RGL3: variants seen among roughly 807,000 people sequenced by gnomAD.
RGL3 encodes ral guanine nucleotide dissociation stimulator like 3, also known as ral guanine nucleotide dissociation stimulator-like 3.
In RGL3, 85 loss-of-function variants were observed where a neutral mutation model predicts 90.6. That is an observed-to-expected ratio of 0.94 (90% CI 0.79 to 1.12). The LOEUF is 1.12. Among genes scored for constraint, RGL3 ranks in the 50% most tolerant of loss-of-function variants. The pLI, the probability that RGL3 is intolerant of heterozygous loss-of-function variation, is 0.00. For missense variants in RGL3, 1,034 were observed against 939.2 expected (o/e 1.10, Z -1.32); for synonymous variants, 408 against 385.5 (o/e 1.06, Z -0.68).
chr19:11,405,801 T>C (rs2144727190), intron 7 of RGL3, among the ~76,000 whole-genome samples: 1 of 151,670 alleles, frequency 6.6e-6, no homozygotes, highest in Middle Eastern at 3.4e-3. Flanking sequence ...GTTCAAGTGA[T>C]TATCCTGCCT....
intron 5 of RGL3, among the ~76,000 whole-genome samples, chr19:11,407,134 T>G (rs1364048143): frequency 6.6e-6 from 1 of 151,914 alleles, no homozygotes; most frequent in Non-Finnish European, 1.5e-5. Context: ...TACAGGCATG[T>G]GCCACCATGC....
Position 11,406,541 on chromosome 19 carries a change from G to T in RGL3, c.874C>A (p.Arg292Ser), listed in dbSNP as rs1305970804. 1.3e-6 allele frequency: 2 copies of T among 1,549,826 alleles called. No individual in the cohort carries two copies. The highest frequency in any genetic ancestry group is 1.7e-6 in the Non-Finnish European group (2 of 1,147,902). ...PGAAGASPTVRATVAQFNTVT... is the reference protein window; with the variant it reads ...PGAAGASPTVSATVAQFNTVT... ...GTGTTGAACTGGGCCACGGTGGCGC[G>T]CACAGTGGGGGAGGCGCCTGCAGCC... is the stretch of plus-strand genomic sequence containing the variant. Residue 292 changes from arginine to serine, a missense_variant, in exon 7 of 19, where the codon CGC becomes AGC. Coordinates refer to ENST00000380456, the MANE Select transcript of RGL3 (RefSeq NM_001035223.4).
chr19:11,404,095 T>A (rs1056333904), intron 9 of RGL3, among the ~76,000 whole-genome samples: 1 of 151,392 alleles, frequency 6.6e-6, no homozygotes, highest in African/African-American at 2.4e-5. Flanking sequence ...GTTGCCCAGG[T>A]TGGTCTTGAA....
At chr19:11,415,876 G>T (rs1968983895) in intron 5 of RGL3, 61 bp downstream of exon 5, 1 of 1,415,686 alleles carries the variant, frequency 7.1e-7, no homozygotes, top group Non-Finnish European at 9.6e-7. Context: ...GAAAGCCTGT[G>T]TGGGAAGAAG....
rs563166368 is a variant in RGL3, at chr19:11,397,814, G to T, written c.1747-217C>A. ...ACTTGAGGTCGGGAGTTCAAGACCAGCCTGGCCAACGTGGTGAAACTCCGT... is the reference window on the plus strand; with the variant it reads ...ACTTGAGGTCGGGAGTTCAAGACCATCCTGGCCAACGTGGTGAAACTCCGT... On this transcript the variant is annotated intron_variant, in intron 16 of 18. Coordinates refer to ENST00000380456, the MANE Select transcript of RGL3 (RefSeq NM_001035223.4). 8.7e-5 allele frequency: 33 copies of T among 379,844 alleles called. No homozygotes were observed. The East Asian group carries it at 1.4e-3, about 16-fold the overall frequency. The allele number at this position is 379,844 out of a possible 1,614,324, so 23.5% of individuals were successfully genotyped here.
At position 11,418,752 on chromosome 19, in the gene RGL3, C is replaced by T; in HGVS notation, c.66G>A (p.Glu22=). The T allele has an allele frequency of 1.9e-6, 3 of 1,572,856 alleles. No individual in the cohort carries two copies. The highest frequency in any genetic ancestry group is 2.6e-6 in the Non-Finnish European group (3 of 1,163,216). Residue 22 remains glutamate (E), a synonymous_variant, in exon 2 of 19, where the codon GAG becomes GAA. Transcript: ENST00000380456. ...GGGAGACACTGTACACCGCGCCGTC[C>T]TCGGTCTCTTCACCCCAGTCCTGCA... ...APLQDWGEET[E]DGAVYSVSLR... is the part of the protein sequence containing the mutation.
In RGL3 at chr19:11,402,469, G is replaced by C; in HGVS notation, c.1315C>G (p.Pro439Ala). The C allele has an allele frequency of 6.2e-7, 1 of 1,602,712 alleles. No homozygotes were observed. The highest frequency in any genetic ancestry group is 1.3e-5 in the African/African-American group (1 of 74,342). ...AGGGGTCAGACCTCCAACATATCCG[G>C]CAGGGCTGTGTCCAGCATAACCAGG... ...TDLVMLDTAL[P>A]DMLEGDLINF... is the part of the protein sequence containing the mutation. The change falls in exon 11 of 19, where the codon CCG (proline) becomes GCG (alanine). Residue 439 changes from proline to alanine, a missense_variant. Transcript: ENST00000380456.
At chr19:11,395,654 A>C (rs1175671589) in intron 18 of RGL3, among the ~76,000 whole-genome samples, 4 of 151,946 alleles carry the variant, frequency 2.6e-5, no homozygotes, top group African/African-American at 9.7e-5. Context: ...TTTGAGACGG[A>C]GTCTCACTCT....
chr19:11,402,600 A>G lies in RGL3; in HGVS notation c.1242+50T>C, dbSNP rs547937908. On this transcript the variant is annotated intron_variant, in intron 10 of 18. Coordinates refer to ENST00000380456, the MANE Select transcript of RGL3 (RefSeq NM_001035223.4). ...ATTACTGACCCCATCACCATCCACA[A>G]CCCTCCCTGAAGGTCCCACTTGTCC... 6.2e-6 allele frequency: 10 copies of G among 1,612,180 alleles called. No homozygotes were observed. The South Asian group carries it at 9.9e-5, about 16-fold the overall frequency.
chr19:11,398,026 T>TAATAA (rs1189202486), intron 16 of RGL3, among the ~76,000 whole-genome samples: 2 of 151,456 alleles, frequency 1.3e-5, no homozygotes, highest in African/African-American at 4.9e-5. Context: ...AATAAATAAA[T>TAATAA]AATAAAATAA....
Position 11,402,668 on chromosome 19 carries a change from G to A in RGL3, c.1224C>T (p.Thr408=), listed in dbSNP as rs1424253596. The change falls in exon 10 of 19, where the codon ACC becomes ACT. Residue 408 remains threonine (T), a synonymous_variant. Transcript: ENST00000380456. ...ATEGSQEEDN[T]PGSLPSKPPP... The stretch of plus-strand genomic sequence containing the variant: ...CACTCACTGAGGGCAGGCTGCCTGG[G>A]GTGTTGTCCTCTTCTTGGGATCCCT... The A allele has an allele frequency of 6.2e-7, 1 of 1,613,804 alleles. No individual in the cohort carries two copies. The highest frequency in any genetic ancestry group is 1.7e-5 in the Admixed American group (1 of 59,944).
intron 18 of RGL3, among the ~76,000 whole-genome samples, chr19:11,395,918 T>G (rs2144713041): frequency 6.8e-6 from 1 of 146,190 alleles, no homozygotes; most frequent in East Asian, 2.1e-4. Context: ...TGAGCCACCA[T>G]GCCCGGCCCC....
At chr19:11,412,496 G>A (rs1856733103) in intron 5 of RGL3, among the ~76,000 whole-genome samples, 2 of 152,056 alleles carry the variant, frequency 1.3e-5, no homozygotes, top group South Asian at 4.1e-4. Flanking sequence ...ATAGCAAAAA[G>A]TGAACCCAAA....
rs567614336 is a variant in RGL3, at chr19:11,405,054, C to T, written c.1185+93G>A. On this transcript the variant is annotated intron_variant, in intron 9 of 18. Coordinates refer to ENST00000380456, the MANE Select transcript of RGL3 (RefSeq NM_001035223.4). ...GAGCGGTAGGGAAGGACAGAGTGTC[C>T]TGACTATAGCAGGGAGATTACCCCT... The T allele has an allele frequency of 6.9e-6, 7 of 1,021,550 alleles. No individual in the cohort carries two copies. The East Asian group carries it at 1.7e-4, about 24-fold the overall frequency. 63.3% of individuals were successfully genotyped at this position (1,021,550 alleles called of 1,614,324 possible).
chr19:11,401,194 G>A (rs907728674), intron 13 of RGL3, among the ~76,000 whole-genome samples: 1 of 151,254 alleles, frequency 6.6e-6, no homozygotes, highest in African/African-American at 2.4e-5. Flanking sequence ...ATCAGATGGG[G>A]TTGAAATTGA....
chr19:11,412,878 A>C (rs1968897031), intron 5 of RGL3, among the ~76,000 whole-genome samples: 1 of 152,112 alleles, frequency 6.6e-6, no homozygotes. Flanking sequence ...AGGCAGGAGA[A>C]TCACTTGAAC....
chr19:11,402,326 G>C lies in RGL3; in HGVS notation c.1330-79C>G, dbSNP rs973396380. 1.9e-6 allele frequency: 3 copies of C among 1,598,150 alleles called. No homozygotes were observed. In the East Asian group the frequency reaches 6.7e-5, roughly 36 times the overall value. ...AAGGTCAGGGGCTGGGATGTCAGGA[G>C]CCCCACTGTAGTAAGGGAGTGTGGG... On this transcript the variant is annotated intron_variant, in intron 11 of 18. Coordinates refer to ENST00000380456, the MANE Select transcript of RGL3 (RefSeq NM_001035223.4).
rs533535503 is a variant in RGL3 at position 11,417,556 on chromosome 19, C to T, written c.148-497G>A. On this transcript the variant is annotated intron_variant, in intron 2 of 18. Coordinates refer to ENST00000380456, the MANE Select transcript of RGL3 (RefSeq NM_001035223.4). Reference sequence around the variant, plus strand: ...CGTGATCTTGGCTCACTGCAACCTCCGCCTCCTGGGTTCAAGCAATTCTCT... The same window carrying T: ...CGTGATCTTGGCTCACTGCAACCTCTGCCTCCTGGGTTCAAGCAATTCTCT... 6.8e-5 allele frequency among the ~76,000 whole-genome samples: 10 copies of T among 147,652 alleles called. No homozygotes were observed. The South Asian group carries it at 1.3e-3, about 19-fold the overall frequency.
chr19:11,400,076 C>T lies in RGL3; in HGVS notation c.1613G>A (p.Ser538Asn), dbSNP rs1390616297. Reference sequence around the variant, plus strand: ...GGATGAGGGGTCCCCGGGACTCCCACTAGGTGATGAGCTTTTCTCTCGGGC... The same window carrying T: ...GGATGAGGGGTCCCCGGGACTCCCATTAGGTGATGAGCTTTTCTCTCGGGC... ...KLAREKSSSPSGSPGDPSSPT... is the reference protein window; with the variant it reads ...KLAREKSSSPNGSPGDPSSPT... Residue 538 changes from serine (S) to asparagine (N), a missense_variant, in exon 15 of 19, where the codon AGT becomes AAT. Ser to Asn is a conservative substitution (Grantham distance 46). Transcript: ENST00000380456. The T allele has an allele frequency of 6.2e-7, 1 of 1,610,368 alleles. No individual in the cohort carries two copies. Among genetic ancestry groups the T allele is most frequent in the African/African-American group, 1.3e-5 (1 of 74,752 alleles).
Sources: gnomAD v4.1 joint callset for allele counts (sites outside exome capture counted in the v4.1 genomes callset) on GRCh38, gnomAD v4.1.1 for gene constraint, MANE v1.5 for transcripts, NCBI Gene and HGNC (gene_info 2026-07-23, HGNC 2026-07-21) for gene names.